The following SCAI variants were observed in gnomAD, a reference collection of about 807,000 sequenced individuals.
SCAI encodes suppressor of cancer cell invasion.
Under a neutral mutation model 92.2 loss-of-function variants are expected in SCAI, and 24 were observed. The observed-to-expected ratio is 0.26, with a 90% CI of 0.19 to 0.37. The LOEUF (loss-of-function observed/expected upper bound fraction) is 0.37. Ranked by LOEUF, SCAI falls within the 10% of genes least tolerant of loss-of-function variation. The pLI is 1.00. For missense variants in SCAI, 450 were observed against 736.2 expected (o/e 0.61, Z 4.50); for synonymous variants, 261 against 258.6 (o/e 1.01, Z -0.09).
In SCAI at chr9:125,019,346, A is replaced by G; in HGVS notation, c.610-141T>C. 1.6e-5 allele frequency: 9 copies of G among 549,622 alleles called. 1 individual carries two copies. The South Asian group carries it at 2.6e-4, about 16-fold the overall frequency. 34.0% of individuals were successfully genotyped at this position (549,622 alleles called of 1,614,324 possible). ...TACACAGTCCTGATTATAACAAAAA[A>G]CAAAGATGAAAACTAATAAATTTTC... On this transcript the variant is annotated intron_variant, in intron 7 of 17. Transcript: ENST00000336505.
At chr9:125,010,169 C>T (rs115841031) in intron 9 of SCAI, among the ~76,000 whole-genome samples, 24,898 of 152,150 alleles carry the variant, frequency 0.16, 2,273 homozygotes, top group East Asian at 0.24. Context: ...CTAGGGAGCA[C>T]GCAGTGGGCG....
chr9:125,077,457 G>A (rs1320172649), intron 2 of SCAI, among the ~76,000 whole-genome samples: 1 of 151,974 alleles, frequency 6.6e-6, no homozygotes, highest in Non-Finnish European at 1.5e-5. Context: ...TTCTTCTGGG[G>A]GTATACCTCC....
At chr9:125,040,171 A>G (rs1309671816) in intron 3 of SCAI, among the ~76,000 whole-genome samples, 1 of 152,100 alleles carries the variant, frequency 6.6e-6, no homozygotes, top group African/African-American at 2.4e-5. Context: ...CCTGGGCAAC[A>G]TAGGGAGAGC....
At chr9:124,960,999 G>A (rs1831424416) in intron 17 of SCAI, among the ~76,000 whole-genome samples, 1 of 151,906 alleles carries the variant, frequency 6.6e-6, no homozygotes, top group African/African-American at 2.4e-5. Flanking sequence ...ACCGTACTCA[G>A]GTGGTCCCAG....
At chr9:125,135,996 A>C (rs1056928967) in intron 2 of SCAI, among the ~76,000 whole-genome samples, 49 of 151,532 alleles carry the variant, frequency 3.2e-4, no homozygotes, top group African/African-American at 8.5e-4. Flanking sequence ...CAAAAAAAAA[A>C]CCATAATTCT....
At chr9:125,055,828 AC>A in intron 3 of SCAI, 47 bp downstream of exon 3, 13 of 1,518,442 alleles carry the variant, frequency 8.6e-6, no homozygotes, top group Non-Finnish European at 1.1e-5. Context: ...CAGAAAAAAA[AC>A]AAATGCAGAA....
At chr9:125,030,390 G>T (rs1833050757) in intron 3 of SCAI, among the ~76,000 whole-genome samples, 1 of 152,196 alleles carries the variant, frequency 6.6e-6, no homozygotes, top group Admixed American at 6.5e-5. Context: ...CTAAGACAAA[G>T]ATAGGGCTGT....
chr9:125,011,391 A>C (rs1399346849), intron 9 of SCAI, among the ~76,000 whole-genome samples: 2 of 152,260 alleles, frequency 1.3e-5, no homozygotes, highest in Non-Finnish European at 2.9e-5. Flanking sequence ...AGAATGCAGA[A>C]GCCTCAGGAG....
rs1831120671 is a variant in SCAI, at chr9:124,944,803, T to A, written c.*8004A>T. On this transcript the variant is annotated 3_prime_UTR_variant, in exon 18 of 18. Coordinates refer to ENST00000336505, the MANE Select transcript of SCAI (RefSeq NM_001144877.3). ...TTTCATGTTTGAGAAAATTTATGGT[T>A]CAAATTGTAATGTTTACAAATCTCA... 1 of 152,154 alleles carries A rather than the reference T, an allele frequency of 6.6e-6. No homozygotes were observed. The highest frequency in any genetic ancestry group is 2.4e-5 in the African/African-American group (1 of 41,414). 9.4% of individuals were successfully genotyped at this position (152,154 alleles called of 1,614,324 possible).
chr9:125,036,253 T>C (rs1833194546), intron 3 of SCAI, among the ~76,000 whole-genome samples: 1 of 152,152 alleles, frequency 6.6e-6, no homozygotes, highest in Non-Finnish European at 1.5e-5. Context: ...GTGGATTACT[T>C]GAAAGAGGCC....
chr9:125,009,409 A>C lies in SCAI; in HGVS notation c.862-5839T>G, dbSNP rs1470363373. On this transcript the variant is annotated intron_variant, in intron 9 of 17. Transcript: ENST00000336505. ...CTCAGCCTCCCAAGTAGCTGGAATT[A>C]TAGGCACATGCCATCATGCCTGACT... Among the ~76,000 whole-genome samples, 4 of 152,144 alleles carry C rather than the reference A, an allele frequency of 2.6e-5. No homozygotes were observed. In the East Asian group the frequency reaches 7.8e-4, roughly 30 times the overall value.
intron 14 of SCAI, among the ~76,000 whole-genome samples, chr9:124,992,678 G>A (rs1832153650): frequency 6.6e-6 from 1 of 152,110 alleles, no homozygotes; most frequent in African/African-American, 2.4e-5. Context: ...GCCACTGCAC[G>A]CCTGGCCTCC....
At chr9:125,004,779 A>T (rs7045403) in intron 9 of SCAI, among the ~76,000 whole-genome samples, 3,699 of 13,100 alleles carry the variant, frequency 0.28, 781 homozygotes, top group Middle Eastern at 0.43. Flanking sequence ...ATATATATAT[A>T]TTTTTTTTTT....
At chr9:125,074,210 G>C (rs13294593) in intron 2 of SCAI, among the ~76,000 whole-genome samples, 1 of 142,678 alleles carries the variant, frequency 7.0e-6, no homozygotes, top group Non-Finnish European at 1.5e-5. Context: ...CGCGAGCCAA[G>C]ATTGCACCAC....
At chr9:125,126,133 T>C (rs1024403741) in intron 2 of SCAI, among the ~76,000 whole-genome samples, 5 of 152,210 alleles carry the variant, frequency 3.3e-5, no homozygotes, top group African/African-American at 9.6e-5. Context: ...GCTTGGACTA[T>C]AGTCATCCTC....
intron 7 of SCAI, 96 bp from the exon 8 acceptor site, chr9:125,019,301 C>T: frequency 1.5e-6 from 1 of 678,690 alleles, no homozygotes; most frequent in Non-Finnish European, 2.5e-6. Context: ...GACATACTTA[C>T]AAAATTTGAT....
chr9:125,081,619 C>G (rs1588205830), intron 2 of SCAI, among the ~76,000 whole-genome samples: 2 of 152,178 alleles, frequency 1.3e-5, no homozygotes, highest in East Asian at 3.9e-4. Flanking sequence ...GTTGCCCAGG[C>G]TGGAGTGCAA....
chr9:125,048,835 T>C (rs1431663680), intron 3 of SCAI, among the ~76,000 whole-genome samples: 2 of 152,030 alleles, frequency 1.3e-5, no homozygotes, highest in African/African-American at 4.8e-5. Context: ...AACATCCGCC[T>C]CCCAGGTTCA....
intron 14 of SCAI, among the ~76,000 whole-genome samples, chr9:124,993,640 T>C (rs1346881227): frequency 6.6e-6 from 1 of 152,092 alleles, no homozygotes; most frequent in Non-Finnish European, 1.5e-5. Flanking sequence ...AAATCAGAAG[T>C]TGTAATACTG....
Sources: gnomAD v4.1 joint callset for allele counts (sites outside exome capture counted in the v4.1 genomes callset) on GRCh38, gnomAD v4.1.1 for gene constraint, MANE v1.5 for transcripts, NCBI Gene and HGNC (gene_info 2026-07-23, HGNC 2026-07-21) for gene names.